Variants in MYO7B observed in about 807,000 individuals in gnomAD.
The protein encoded by MYO7B is myosin VIIB.
Under a neutral mutation model 259.7 loss-of-function variants are expected in MYO7B, and 212 were observed. The ratio of observed to expected loss-of-function variants is 0.82; its 90% confidence interval spans 0.73 to 0.91. MYO7B has a LOEUF of 0.91. Ranked by LOEUF, MYO7B falls within the 40% of genes least tolerant of loss-of-function variation. MYO7B has a pLI of 0.00. For synonymous variants in MYO7B, 1,197 were observed against 1,166.4 expected (o/e 1.03, Z -0.54); for missense variants, 2,732 against 2,813.5 (o/e 0.97, Z 0.66).
chr2:127,548,700 T>TACC (rs1381967432), intron 1 of MYO7B, among the ~76,000 whole-genome samples: 1 of 152,112 alleles, frequency 6.6e-6, no homozygotes, highest in African/African-American at 2.4e-5. Context: ...AGGCATGAGC[T>TACC]ACCACGCCCG....
Position 127,621,872 on chromosome 2 carries a change from A to G in MYO7B, c.3526-110A>G, listed in dbSNP as rs1680854376. The G allele has an allele frequency of 2.7e-6, 4 of 1,490,400 alleles. No individual in the cohort carries two copies. The Admixed American group carries it at 5.9e-5, about 22-fold the overall frequency. The allele number at this position is 1,490,400 out of a possible 1,614,324, so 92.3% of individuals were successfully genotyped here. ...TCTAACGGGTGTGAGGGTGCCCCTCAATGCACATTATACACTGAGTATTAT... is the reference window on the plus strand; with the variant it reads ...TCTAACGGGTGTGAGGGTGCCCCTCGATGCACATTATACACTGAGTATTAT... On this transcript the variant is annotated intron_variant, in intron 27 of 47. Coordinates refer to ENST00000409816, the MANE Select transcript of MYO7B (RefSeq NM_001393586.1).
At chr2:127,623,714 C>T (rs1189788618) in intron 29 of MYO7B, among the ~76,000 whole-genome samples, 3 of 152,184 alleles carry the variant, frequency 2.0e-5, no homozygotes, top group Admixed American at 6.5e-5. Context: ...GAGCTGTGGA[C>T]ACCCCTGCAG....
At chr2:127,553,056 G>A (rs1486555858) in intron 1 of MYO7B, among the ~76,000 whole-genome samples, 2 of 152,078 alleles carry the variant, frequency 1.3e-5, no homozygotes, top group Non-Finnish European at 2.9e-5. Context: ...AGCTTCCTCC[G>A]CCACTGTGCA....
rs759062053 is a variant in MYO7B at position 127,566,682 on chromosome 2, C to T, written c.325C>T (p.Gln109Ter). ...CATCCTGGTGGCCGTCAACCCGTTCCAGGTGCTGCCGCTCTACACCCTGGA... is the reference window on the plus strand; with the variant it reads ...CATCCTGGTGGCCGTCAACCCGTTCTAGGTGCTGCCGCTCTACACCCTGGA... ...GSILVAVNPF[Q>*]VLPLYTLEQV... is the part of the protein sequence containing the mutation. The change falls in exon 5 of 48, where the codon CAG (glutamine) becomes TAG (stop). Residue 109 changes from glutamine (Q) to a stop codon, truncating the protein, a stop_gained. Transcript: ENST00000409816. LOFTEE classifies it high-confidence loss of function. 5.7e-5 allele frequency: 92 copies of T among 1,604,890 alleles called. 4 individuals are homozygous for T. The South Asian group carries it at 9.9e-4, about 17-fold the overall frequency.
At chr2:127,603,490 A>T (rs1388855178) in intron 19 of MYO7B, among the ~76,000 whole-genome samples, 1 of 152,250 alleles carries the variant, frequency 6.6e-6, no homozygotes, top group African/African-American at 2.4e-5. Flanking sequence ...GTCAATGAGC[A>T]GTAATAGTTT....
intron 5 of MYO7B, among the ~76,000 whole-genome samples, chr2:127,568,971 G>T (rs186530999): frequency 2.6e-5 from 4 of 152,128 alleles, no homozygotes; most frequent in Non-Finnish European, 4.4e-5. Context: ...ACTTTGGGAG[G>T]CCGAGGCGGG....
chr2:127,584,388 T>G lies in MYO7B; in HGVS notation c.1554+56T>G. On this transcript the variant is annotated intron_variant, in intron 13 of 47. Coordinates refer to ENST00000409816, the MANE Select transcript of MYO7B (RefSeq NM_001393586.1). The surrounding 1 kb of genome is among the most constrained non-coding windows in gnomAD (Gnocchi z 5.8). ...GGAGGCCCTGCTATGGGTCTCCTCTTGGAGGCTGGGAAACTCCATTTGGGT... is the reference window on the plus strand; with the variant it reads ...GGAGGCCCTGCTATGGGTCTCCTCTGGGAGGCTGGGAAACTCCATTTGGGT... The G allele has an allele frequency of 6.4e-7, 1 of 1,570,316 alleles. No homozygotes were observed.
At chr2:127,575,187 T>C (rs373963785) in intron 7 of MYO7B, among the ~76,000 whole-genome samples, 1 of 152,224 alleles carries the variant, frequency 6.6e-6, no homozygotes, top group East Asian at 1.9e-4. Context: ...TCATTTGACC[T>C]TCACAACCAT....
At chr2:127,592,984 G>A (rs2104978023) in intron 17 of MYO7B, 38 bp downstream of exon 17, 4 of 1,499,584 alleles carry the variant, frequency 2.7e-6, no homozygotes, top group Non-Finnish European at 2.7e-6. Flanking sequence ...CTGGCCATCC[G>A]CGGCCTTCCC....
chr2:127,557,489 A>G (rs944133325), intron 1 of MYO7B, among the ~76,000 whole-genome samples: 4 of 152,028 alleles, frequency 2.6e-5, no homozygotes, highest in Non-Finnish European at 5.9e-5. Context: ...ATTTTGTCAT[A>G]TTACCAGAAT....
chr2:127,575,565 G>GT (rs1329854683), intron 7 of MYO7B, among the ~76,000 whole-genome samples: 1 of 151,188 alleles, frequency 6.6e-6, no homozygotes, highest in Non-Finnish European at 1.5e-5. Flanking sequence ...TATGTTTTGT[G>GT]TAAAAAAAAA....
In MYO7B at chr2:127,622,102, G is replaced by T. The variant is rs1233975435; in HGVS notation, c.3645+1G>T. 1 of 1,548,894 alleles carries T rather than the reference G, an allele frequency of 6.5e-7. No homozygotes were observed. Among genetic ancestry groups the T allele is most frequent in the Non-Finnish European group, 8.7e-7 (1 of 1,145,118 alleles). ...GCCCCCCACCTGGCTGGAGCTGCAG[G>T]TAGGGGCTGGCAGGGGTGAGAGCGG... On this transcript the variant is annotated splice_donor_variant, in intron 28 of 47. Coordinates refer to ENST00000409816, the MANE Select transcript of MYO7B (RefSeq NM_001393586.1). LOFTEE classifies it high-confidence loss of function.
At chr2:127,549,427 G>A (rs572988612) in intron 1 of MYO7B, among the ~76,000 whole-genome samples, 4 of 152,254 alleles carry the variant, frequency 2.6e-5, no homozygotes, top group East Asian at 1.9e-4. Context: ...GGTAGTGAGC[G>A]TGGCACTCAA....
Position 127,631,567 on chromosome 2 carries a change from CTGCCCCAGCACTG to C in MYO7B, c.5096-29_5096-17del. On this transcript the variant is annotated intron_variant, in intron 37 of 47. Transcript: ENST00000409816. ...ATCCCCAGTCTGTGTCAGCGTGGGG[CTGCCCCAGCACTG>C]TGCTCCTTGACAGCCACACCCATCC... The C allele has an allele frequency of 6.2e-7, 1 of 1,606,504 alleles. No homozygotes were observed. The highest frequency in any genetic ancestry group is 8.5e-7 in the Non-Finnish European group (1 of 1,175,654).
At chr2:127,592,015 T>C (rs1269832122) in intron 16 of MYO7B, among the ~76,000 whole-genome samples, 3 of 152,234 alleles carry the variant, frequency 2.0e-5, no homozygotes, top group Non-Finnish European at 4.4e-5. Context: ...TTCATTTAAC[T>C]ATTGTGAGGG....
rs1681739897 is a variant in MYO7B at position 127,635,242 on chromosome 2, C to CCATCTT, written c.5820+17_5820+18insATCTTC. 3.1e-6 allele frequency: 5 copies of CCATCTT among 1,603,752 alleles called. No individual in the cohort carries two copies. Among genetic ancestry groups the CCATCTT allele is most frequent in the Admixed American group, 1.7e-5 (1 of 59,242 alleles). On this transcript the variant is annotated intron_variant, in intron 43 of 47. Coordinates refer to ENST00000409816, the MANE Select transcript of MYO7B (RefSeq NM_001393586.1). Reference sequence around the variant, plus strand: ...TTACCACCAGGTACCGGGCAGGCTGCCCTGGTGGGCACTGGGGCCACCCCC... The same window carrying CCATCTT: ...TTACCACCAGGTACCGGGCAGGCTGCCATCTTCCTGGTGGGCACTGGGGCCACCCCC...
In MYO7B at chr2:127,584,392, G is replaced by T; in HGVS notation, c.1554+60G>T. 4.5e-6 allele frequency: 7 copies of T among 1,565,418 alleles called. No homozygotes were observed. The East Asian group carries it at 1.1e-4, about 25-fold the overall frequency. On this transcript the variant is annotated intron_variant, in intron 13 of 47. Transcript: ENST00000409816. The surrounding 1 kb of genome is among the most constrained non-coding windows in gnomAD (Gnocchi z 5.8). ...GCCCTGCTATGGGTCTCCTCTTGGA[G>T]GCTGGGAAACTCCATTTGGGTGGGC...
In MYO7B at chr2:127,559,270, C is replaced by T. The variant is rs1277921861; in HGVS notation, c.-23-430C>T. On this transcript the variant is annotated intron_variant, in intron 1 of 47. Coordinates refer to ENST00000409816, the MANE Select transcript of MYO7B (RefSeq NM_001393586.1). This position sits in a 1 kb window ranked among gnomAD's most constrained non-coding sequence, Gnocchi z 4.1. ...TGAGTGGCATTTCCTGCATTGAGTC[C>T]CATGTCTAAAGTGAGGGAACACGCA... 6.6e-6 allele frequency among the ~76,000 whole-genome samples: 1 copy of T among 152,176 alleles called. No individual in the cohort carries two copies. The highest frequency in any genetic ancestry group is 1.5e-5 in the Non-Finnish European group (1 of 68,040).
At chr2:127,619,778 A>T (rs1680755893) in intron 26 of MYO7B, among the ~76,000 whole-genome samples, 1 of 152,042 alleles carries the variant, frequency 6.6e-6, no homozygotes, top group Non-Finnish European at 1.5e-5. Context: ...TTATAACATG[A>T]TAGAGGCTTG....
Sources: gnomAD v4.1 joint callset for allele counts (sites outside exome capture counted in the v4.1 genomes callset) on GRCh38, gnomAD v4.1.1 for gene constraint, Gnocchi (gnomAD v3.1) non-coding constraint, MANE v1.5 for transcripts, NCBI Gene and HGNC (gene_info 2026-07-23, HGNC 2026-07-21) for gene names.